LAT2: variants seen among roughly 807,000 people sequenced by gnomAD.
LAT2 encodes linker for activation of T cells family member 2.
In LAT2, 23 loss-of-function variants were observed where a neutral mutation model predicts 43.4. The ratio of observed to expected loss-of-function variants is 0.53; its 90% CI spans 0.38 to 0.75. The LOEUF (loss-of-function observed/expected upper bound fraction) is 0.75. Among genes scored for constraint, LAT2 ranks in the 30% least tolerant of loss-of-function variants. The probability of loss-of-function intolerance (pLI) is 0.00; values close to 1 mark genes in which losing one functional copy is unlikely to be tolerated. For missense variants in LAT2, 284 were observed against 310.2 expected, an observed-to-expected ratio of 0.92 and a Z score of 0.64; for synonymous variants, 128 against 123.2, an observed-to-expected ratio of 1.04 and a Z score of -0.26.
intron 3 of LAT2, among the ~76,000 whole-genome samples, chr7:74,216,532 T>G (rs557869765): frequency 8.5e-5 from 13 of 152,190 alleles, no homozygotes; most frequent in African/African-American, 3.1e-4. Flanking sequence ...CCACCATGCC[T>G]GGCTAATTTT....
At chr7:74,219,061 G>A (rs1304673734) in intron 4 of LAT2, among the ~76,000 whole-genome samples, 1 of 108,548 alleles carries the variant, frequency 9.2e-6, no homozygotes, top group Non-Finnish European at 1.7e-5. Flanking sequence ...ACGGAGTCTC[G>A]CTCTGTCGCC....
chr7:74,220,532 G>A lies in LAT2; in HGVS notation c.266-52G>A. 6.2e-7 allele frequency: 1 copy of A among 1,610,794 alleles called. No individual in the cohort carries two copies. The highest frequency in any genetic ancestry group is 8.5e-7 in the Non-Finnish European group (1 of 1,177,698). The stretch of plus-strand genomic sequence containing the variant: ...GCCTTGGGCTGCAGCACCCGAGCTG[G>A]GTGCAAAGCAGGGGCCAGGGGAGAA... On this transcript the variant is annotated intron_variant, in intron 7 of 13. Coordinates refer to ENST00000460943, the MANE Select transcript of LAT2 (RefSeq NM_032464.3). The surrounding 1 kb of genome is among the most constrained non-coding windows in gnomAD (Gnocchi z 4.5).
chr7:74,218,076 T>C lies in LAT2; in HGVS notation c.134+1212T>C, dbSNP rs532235203. ...GCCCTGCCCACCCCCAGCCCCCTGA[T>C]TGATCTTAGAGCCATAGATGGTCAG... On this transcript the variant is annotated intron_variant, in intron 4 of 13. Coordinates refer to ENST00000460943, the MANE Select transcript of LAT2 (RefSeq NM_032464.3). 8.5e-5 allele frequency among the ~76,000 whole-genome samples: 13 copies of C among 152,064 alleles called. 1 individual carries two copies. In the South Asian group the frequency reaches 2.1e-3, roughly 24 times the overall value.
At chr7:74,224,890 C>T (rs890143922) in intron 13 of LAT2, 130 bp downstream of exon 13, 1 of 650,440 alleles carries the variant, frequency 1.5e-6, no homozygotes, top group East Asian at 3.0e-5. Flanking sequence ...AGGGTGCACC[C>T]ATGGGTGCTC....
chr7:74,214,498 AAAT>A lies in LAT2; in HGVS notation c.-218-322_-218-320del, dbSNP rs1452604049. On this transcript the variant is annotated intron_variant, in intron 1 of 13. Coordinates refer to ENST00000460943, the MANE Select transcript of LAT2 (RefSeq NM_032464.3). Reference sequence around the variant, plus strand: ...TATATATATATGAAAATATATATATAAATATATATATATGAAAATATATATAAA... The same window carrying A: ...TATATATATATGAAAATATATATATAATATATATATGAAAATATATATAAA... 1.3e-3 allele frequency among the ~76,000 whole-genome samples: 46 copies of A among 35,348 alleles called. 3 individuals carry two copies. The highest frequency in any genetic ancestry group is 0.011 in the East Asian group (8 of 706). The allele number at this position is 35,348 out of a possible 152,430, so 23.2% of individuals were successfully genotyped here. A position where few individuals can be genotyped will look rare whatever the true frequency, so the allele number is the denominator to read the frequency against.
intron 3 of LAT2, among the ~76,000 whole-genome samples, chr7:74,216,541 T>G (rs1802054107): frequency 6.6e-6 from 1 of 152,018 alleles, no homozygotes. Flanking sequence ...CTGGCTAATT[T>G]TTGTGTTTTT....
chr7:74,227,821 T>C (rs1802545488), intron 13 of LAT2, among the ~76,000 whole-genome samples: 1 of 152,008 alleles, frequency 6.6e-6, no homozygotes, highest in African/African-American at 2.4e-5. Context: ...CTGTGTGAGC[T>C]GTGATTGCAC....
At chr7:74,222,813 G>A (rs1345358257) in intron 10 of LAT2, among the ~76,000 whole-genome samples, 4 of 152,142 alleles carry the variant, frequency 2.6e-5, no homozygotes, top group Non-Finnish European at 5.9e-5. Flanking sequence ...GACCTCAGGT[G>A]ATCCGCCCGC....
Position 74,216,708 on chromosome 7 carries a change from C to T in LAT2, c.95-117C>T, listed in dbSNP as rs961059253. On this transcript the variant is annotated intron_variant, in intron 3 of 13. Coordinates refer to ENST00000460943, the MANE Select transcript of LAT2 (RefSeq NM_032464.3). Reference sequence around the variant, plus strand: ...ATATCAGGTGGCCGGTGATGATTGACAGTTTGGCCCCCAAGTCCTGTCTGA... The same window carrying T: ...ATATCAGGTGGCCGGTGATGATTGATAGTTTGGCCCCCAAGTCCTGTCTGA... 7 of 754,546 alleles carry T rather than the reference C, an allele frequency of 9.3e-6. No individual in the cohort carries two copies. In the South Asian group the frequency reaches 1.1e-4, roughly 12 times the overall value. The allele number at this position is 754,546 out of a possible 1,614,324, so 46.7% of individuals were successfully genotyped here. A position where few individuals can be genotyped will look rare whatever the true frequency, so the allele number is the denominator to read the frequency against.
chr7:74,228,235 G>C (rs1802566855), intron 13 of LAT2, among the ~76,000 whole-genome samples: 1 of 149,228 alleles, frequency 6.7e-6, no homozygotes, highest in African/African-American at 2.5e-5. Flanking sequence ...CCAGCACTTT[G>C]GGAGGCTGAG....
At chr7:74,219,687 GT>G (rs1802188849) in intron 4 of LAT2, 56 bp from the exon 5 acceptor site, 2 of 1,605,490 alleles carry the variant, frequency 1.2e-6, no homozygotes, top group Non-Finnish European at 1.7e-6. Flanking sequence ...TCCTGTCCCT[GT>G]GTTCTTGGGC....
At chr7:74,221,408 C>A (rs1484323037) in intron 9 of LAT2, among the ~76,000 whole-genome samples, 3 of 83,142 alleles carry the variant, frequency 3.6e-5, no homozygotes, top group African/African-American at 1.9e-4. Context: ...GAGACTCTGT[C>A]TCAAAAAAAA....
chr7:74,216,877 G>C lies in LAT2; in HGVS notation c.134+13G>C, dbSNP rs537702269. ...AGCAGAGAAGTCTGTGAGTTGCCTC[G>C]ATGTCCCTAGCCTGGTGTATTCATG... On this transcript the variant is annotated intron_variant, in intron 4 of 13. Transcript: ENST00000460943. 1.2e-5 allele frequency: 19 copies of C among 1,612,028 alleles called. No homozygotes were observed. The highest frequency in any genetic ancestry group is 1.4e-5 in the Non-Finnish European group (17 of 1,178,260).
intron 13 of LAT2, among the ~76,000 whole-genome samples, chr7:74,228,215 G>A (rs1247843265): frequency 7.9e-6 from 1 of 125,972 alleles, no homozygotes; most frequent in East Asian, 2.7e-4. Context: ...GGTGGCTCAC[G>A]CCTGTAATCC....
At chr7:74,219,084 C>T (rs1479033430) in intron 4 of LAT2, among the ~76,000 whole-genome samples, 5 of 119,992 alleles carry the variant, frequency 4.2e-5, no homozygotes, top group South Asian at 2.9e-4. Flanking sequence ...GGCCAGACTG[C>T]GGACTGCAGT....
chr7:74,211,311 C>G (rs1207049356), intron 1 of LAT2, among the ~76,000 whole-genome samples: 4 of 152,200 alleles, frequency 2.6e-5, no homozygotes, highest in African/African-American at 9.6e-5. Context: ...GAGTCTCACT[C>G]TGTTGTCCAG....
Position 74,220,087 on chromosome 7 carries a change from C to T in LAT2, c.227+79C>T. 1 of 1,572,616 alleles carries T rather than the reference C, an allele frequency of 6.4e-7. No homozygotes were observed. Among genetic ancestry groups the T allele is most frequent in the Non-Finnish European group, 8.7e-7 (1 of 1,151,880 alleles). ...CCTGGTGAGCCCAGGTCAAGACCTC[C>T]CTCCCTCCCCGAGTCCCAGAGCTCC... On this transcript the variant is annotated intron_variant, in intron 6 of 13. Coordinates refer to ENST00000460943, the MANE Select transcript of LAT2 (RefSeq NM_032464.3). This position sits in a 1 kb window ranked among gnomAD's most constrained non-coding sequence, Gnocchi z 4.5.
Position 74,220,415 on chromosome 7 carries a change from G to A in LAT2, c.265+161G>A, listed in dbSNP as rs1279159168. 1.1e-4 allele frequency: 132 copies of A among 1,211,936 alleles called. No homozygotes were observed. The highest frequency in any genetic ancestry group is 1.2e-4 in the Non-Finnish European group (104 of 843,122). 75.1% of individuals were successfully genotyped at this position (1,211,936 alleles called of 1,614,324 possible). A position where few individuals can be genotyped will look rare whatever the true frequency, so the allele number is the denominator to read the frequency against. On this transcript the variant is annotated intron_variant, in intron 7 of 13. Transcript: ENST00000460943. This position sits in a 1 kb window ranked among gnomAD's most constrained non-coding sequence, Gnocchi z 4.5. The stretch of plus-strand genomic sequence containing the variant: ...TGGGGCAGGGCAGGCTCCTGGAATC[G>A]GCCTGGCAGGGGGAGGGTGCACACT...
rs1554714806 is a variant in LAT2 at position 74,219,780 on chromosome 7, CT to C, written c.172del (p.Tyr58ThrfsTer54). 1 of 1,614,114 alleles carries C rather than the reference CT, an allele frequency of 6.2e-7. No individual in the cohort carries two copies. The highest frequency in any genetic ancestry group is 1.1e-5 in the South Asian group (1 of 91,090). On this transcript the variant is annotated frameshift_variant, in exon 5 of 14. Coordinates refer to ENST00000460943, the MANE Select transcript of LAT2 (RefSeq NM_032464.3). LOFTEE classifies it high-confidence loss of function. ...DQQSFTGSRT[Y>X]SLVGQAWPGP... ...AACAGAGCTTTACGGGGTCCCGGAC[CT>C]ACTCCTGTGAGTCTCCAAGTGTCCC... is the stretch of plus-strand genomic sequence containing the variant.
Sources: gnomAD v4.1 joint callset for allele counts (sites outside exome capture counted in the v4.1 genomes callset) on GRCh38, gnomAD v4.1.1 for gene constraint, Gnocchi (gnomAD v3.1) non-coding constraint, MANE v1.5 for transcripts, NCBI Gene and HGNC (gene_info 2026-07-23, HGNC 2026-07-21) for gene names.